Variants in TRPA1 observed in about 807,000 individuals in gnomAD.
The protein encoded by TRPA1 is ankyrin-like with transmembrane domains 1.
TRPA1 carries 129 observed loss-of-function variants against 131.3 expected under a neutral mutation model. The ratio of observed to expected loss-of-function variants is 0.98; its 90% CI spans 0.85 to 1.14. The LOEUF (loss-of-function observed/expected upper bound fraction) is 1.14, where lower values mean the gene tolerates loss of function less well. Among genes scored for constraint, TRPA1 ranks in the 50% most tolerant of loss-of-function variants. TRPA1 has a pLI of 0.00. For synonymous variants in TRPA1, 441 were observed against 451.7 expected, an observed-to-expected ratio of 0.98 and a Z score of 0.30; for missense variants, 1,304 against 1,354.2, an observed-to-expected ratio of 0.96 and a Z score of 0.58.
At position 72,022,000 on chromosome 8, in the gene TRPA1, G is replaced by A. The variant is rs969584901; in HGVS notation, c.*906C>T. 6.6e-6 allele frequency: 1 copy of A among 152,142 alleles called. No individual in the cohort carries two copies. Among genetic ancestry groups the A allele is most frequent in the Non-Finnish European group, 1.5e-5 (1 of 68,048 alleles). 9.4% of individuals were successfully genotyped at this position (152,142 alleles called of 1,614,324 possible). On this transcript the variant is annotated 3_prime_UTR_variant, in exon 27 of 27. Coordinates refer to ENST00000262209, the MANE Select transcript of TRPA1 (RefSeq NM_007332.3). ...TATTCATTACAGTGAATATCTCCTG[G>A]GGGTAGTGAGGGAATAAACATGCTA... is the stretch of plus-strand genomic sequence containing the variant.
In TRPA1 at chr8:72,022,765, C is replaced by A. The variant is rs77546732; in HGVS notation, c.*141G>T. ...TGAATAGAGGATAAAAGATGGTTTA[C>A]TTTTATACAGCATGCAGGAACCATG... On this transcript the variant is annotated 3_prime_UTR_variant, in exon 27 of 27. Transcript: ENST00000262209. 1 of 802,454 alleles carries A rather than the reference C, an allele frequency of 1.2e-6. No homozygotes were observed. Among genetic ancestry groups the A allele is most frequent in the Non-Finnish European group, 2.1e-6 (1 of 477,144 alleles). 49.7% of individuals were successfully genotyped at this position (802,454 alleles called of 1,614,324 possible). A position where few individuals can be genotyped will look rare whatever the true frequency, so the allele number is the denominator to read the frequency against.
upstream of TRPA1, among the ~76,000 whole-genome samples, chr8:72,080,510 A>T (rs73294690): frequency 0.038 from 5,834 of 151,822 alleles, 376 homozygotes; most frequent in African/African-American, 0.13. Context: ...TTTAGGCTCA[A>T]GAAGAATATT....
chr8:72,086,817 G>A, the TRPA1 span, among the ~76,000 whole-genome samples: 3 of 151,892 alleles, frequency 2.0e-5, no homozygotes, highest in Admixed American at 2.0e-4. Flanking sequence ...TCTTTCTTTG[G>A]CTTTGGGAAA....
At chr8:72,042,965 T>C (rs1812304663) in intron 17 of TRPA1, among the ~76,000 whole-genome samples, 1 of 151,862 alleles carries the variant, frequency 6.6e-6, no homozygotes, top group South Asian at 2.1e-4. Context: ...CAACATGAAA[T>C]AATTTTAGAC....
Position 72,022,196 on chromosome 8 carries a change from G to A in TRPA1, c.*710C>T, listed in dbSNP as rs1191261974. 6.6e-6 allele frequency: 1 copy of A among 152,296 alleles called. No homozygotes were observed. Among genetic ancestry groups the A allele is most frequent in the Non-Finnish European group, 1.5e-5 (1 of 68,282 alleles). 9.4% of individuals were successfully genotyped at this position (152,296 alleles called of 1,614,324 possible). ...ACAAAGGCTCATACAATAATCACAG[G>A]GATACTATATAGGTTTTACATTTAT... is the stretch of plus-strand genomic sequence containing the variant. On this transcript the variant is annotated 3_prime_UTR_variant, in exon 27 of 27. Coordinates refer to ENST00000262209, the MANE Select transcript of TRPA1 (RefSeq NM_007332.3).
At chr8:72,065,375 T>C in intron 4 of TRPA1, 76 bp downstream of exon 4, 15 of 1,274,694 alleles carry the variant, frequency 1.2e-5, no homozygotes, top group Middle Eastern at 2.6e-4. Context: ...ACTTAAGAGA[T>C]TTTGTAAATA....
chr8:72,061,864 G>C (rs914895335), intron 6 of TRPA1, 103 bp from the exon 7 acceptor site: 29 of 1,238,876 alleles, frequency 2.3e-5, no homozygotes, highest in East Asian at 5.0e-5. Flanking sequence ...TAAAATCAAG[G>C]AATATCTATC....
At chr8:72,040,207 C>T (rs1219313026) in intron 17 of TRPA1, among the ~76,000 whole-genome samples, 1 of 152,030 alleles carries the variant, frequency 6.6e-6, no homozygotes, top group Admixed American at 6.6e-5. Flanking sequence ...TAATCTAGAT[C>T]ATAAGTTTTC....
Position 72,033,684 on chromosome 8 carries a change from G to A in TRPA1, c.2828C>T (p.Ser943Phe), listed in dbSNP as rs559497085. The change falls in exon 23 of 27, where the codon TCC (serine) becomes TTC (phenylalanine). Residue 943 changes from serine to phenylalanine, a missense_variant. Physicochemically the swap from Ser to Phe is radical, Grantham distance 155. Transcript: ENST00000262209. ...HPVLSFAQLVSFTIFVPIVLM... is the reference protein window; with the variant it reads ...HPVLSFAQLVFFTIFVPIVLM... ...GACAATTGGGACAAATATTGTGAAG[G>A]AAACAAGTTGTGCAAAGGACAGAAC... The A allele has an allele frequency of 6.2e-7, 1 of 1,613,998 alleles. No homozygotes were observed. The highest frequency in any genetic ancestry group is 1.3e-5 in the African/African-American group (1 of 75,036).
Position 72,050,869 on chromosome 8 carries a change from C to A in TRPA1, c.1814G>T (p.Trp605Leu). The change falls in exon 15 of 27, where the codon TGG becomes TTG. Residue 605 changes from tryptophan to leucine, a missense_variant and splice_region_variant. Transcript: ENST00000262209. ...VVLTIIRSKR[W>L]DECLKIFSHN... The stretch of plus-strand genomic sequence containing the variant: ...ACTGAAAATCTTAAGACATTCATCC[C>A]ATCTGTAAAAAATAAATAAGTAAGA... The A allele has an allele frequency of 6.2e-7, 1 of 1,601,032 alleles. No homozygotes were observed. Among genetic ancestry groups the A allele is most frequent in the Non-Finnish European group, 8.5e-7 (1 of 1,170,182 alleles).
intron 13 of TRPA1, chr8:72,052,994 T>TGTGTGTGTGTGTGTGATA (rs1491537785): frequency 3.0e-6 from 1 of 330,302 alleles, no homozygotes; most frequent in Admixed American, 4.9e-5. Flanking sequence ...TGTGTGTGTG[T>TGTGTGTGTGTGTGTGATA]GAGAGATAGA....
upstream of TRPA1, among the ~76,000 whole-genome samples, chr8:72,077,321 G>A (rs2129437269): frequency 6.6e-6 from 1 of 151,828 alleles, no homozygotes; most frequent in African/African-American, 2.4e-5. Context: ...CCAGTGCAGG[G>A]AACTCCAGCA....
intron 15 of TRPA1, among the ~76,000 whole-genome samples, chr8:72,048,401 C>T (rs1805404016): frequency 6.6e-6 from 1 of 151,984 alleles, no homozygotes; most frequent in Non-Finnish European, 1.5e-5. Context: ...GAAACAGGGC[C>T]ATGGCTGGTC....
chr8:72,066,515 A>G (rs2129436422), intron 3 of TRPA1, among the ~76,000 whole-genome samples: 1 of 152,338 alleles, frequency 6.6e-6, no homozygotes, highest in Non-Finnish European at 1.5e-5. Context: ...CCTCTTGTTA[A>G]CAGAACGTAT....
chr8:72,068,141 C>G (rs1362195369), intron 3 of TRPA1, among the ~76,000 whole-genome samples: 5 of 152,172 alleles, frequency 3.3e-5, no homozygotes, highest in African/African-American at 1.2e-4. Context: ...GGAGCCAAAG[C>G]CTCAGAGGGC....
rs766398507 is a variant in TRPA1 at position 72,052,645 on chromosome 8, G to A, written c.1765C>T (p.His589Tyr). 5 of 1,613,630 alleles carry A rather than the reference G, an allele frequency of 3.1e-6. No homozygotes were observed. Among genetic ancestry groups the A allele is most frequent in the Admixed American group, 1.7e-5 (1 of 59,946 alleles). ...AGAACAACCTCCTTCCTCTTATTGT[G>A]AAGTGCAAGGTGCAAAAAGGAGGCC... is the stretch of plus-strand genomic sequence containing the variant. Reference protein sequence around the residue: ...QQASFLHLALHNKRKEVVLTI... With the variant: ...QQASFLHLALYNKRKEVVLTI... The change falls in exon 14 of 27, where the codon CAC (histidine) becomes TAC (tyrosine). Residue 589 changes from histidine to tyrosine, a missense_variant. His to Tyr is a moderately conservative substitution (Grantham distance 83). Transcript: ENST00000262209.
intron 2 of TRPA1, among the ~76,000 whole-genome samples, chr8:72,069,709 A>G (rs2129436614): frequency 6.6e-6 from 1 of 151,994 alleles, no homozygotes; most frequent in East Asian, 1.9e-4. Context: ...ACTTCTCTGA[A>G]CCTCAGCTTT....
At chr8:72,030,260 A>C (rs754814600) in intron 23 of TRPA1, among the ~76,000 whole-genome samples, 16 of 152,186 alleles carry the variant, frequency 1.1e-4, no homozygotes, top group Non-Finnish European at 2.2e-4. Flanking sequence ...CTCTTTTATA[A>C]GGGAACTAAT....
In TRPA1 at chr8:72,063,363, G is replaced by C. The variant is rs1805852646; in HGVS notation, c.661+100C>G. The C allele has an allele frequency of 6.2e-6, 5 of 810,596 alleles. No individual in the cohort carries two copies. The Admixed American group carries it at 6.4e-5, about 10-fold the overall frequency. The allele number at this position is 810,596 out of a possible 1,614,324, so 50.2% of individuals were successfully genotyped here. On this transcript the variant is annotated intron_variant, in intron 5 of 26. Coordinates refer to ENST00000262209, the MANE Select transcript of TRPA1 (RefSeq NM_007332.3). Reference sequence around the variant, plus strand: ...CCACTGCACTCCAGCCTGGGTGACAGAGTGAGACTCCATCTCAAAAGAAAA... The same window carrying C: ...CCACTGCACTCCAGCCTGGGTGACACAGTGAGACTCCATCTCAAAAGAAAA...
Sources: gnomAD v4.1 joint callset for allele counts (sites outside exome capture counted in the v4.1 genomes callset) on GRCh38, gnomAD v4.1.1 for gene constraint, MANE v1.5 for transcripts, NCBI Gene and HGNC (gene_info 2026-07-23, HGNC 2026-07-21) for gene names.